Variants in ARID2 observed in about 807,000 individuals in gnomAD.
The protein encoded by ARID2 is AT-rich interaction domain 2.
A neutral mutation model predicts 184.6 loss-of-function variants in ARID2; 32 were observed. The observed-to-expected ratio is 0.17, with a 90% CI of 0.13 to 0.23. ARID2 has a LOEUF of 0.23. Ranked by LOEUF, ARID2 falls within the 10% of genes least tolerant of loss-of-function variation. The pLI, the probability that ARID2 is intolerant of heterozygous loss-of-function variation, is 1.00. For synonymous variants in ARID2, 836 were observed against 772.6 expected, an observed-to-expected ratio of 1.08 and a Z score of -1.36; for missense variants, 1,696 against 2,197.6, an observed-to-expected ratio of 0.77 and a Z score of 4.56.
At chr12:45,739,788 A>G (rs1265765624) in intron 3 of ARID2, among the ~76,000 whole-genome samples, 1 of 152,210 alleles carries the variant, frequency 6.6e-6, no homozygotes, top group Non-Finnish European at 1.5e-5. Context: ...ATGTTAATAT[A>G]AACATACATG....
intron 20 of ARID2, among the ~76,000 whole-genome samples, chr12:45,895,090 G>A (rs1166378568): frequency 6.6e-6 from 1 of 152,156 alleles, no homozygotes; most frequent in Non-Finnish European, 1.5e-5. Flanking sequence ...TACTGAGCTT[G>A]TTCTCCTCTA....
chr12:45,849,895 C>A, intron 14 of ARID2, 119 bp downstream of exon 14: 1 of 1,402,012 alleles, frequency 7.1e-7, no homozygotes, highest in Non-Finnish European at 9.5e-7. Context: ...CATTTTCTTA[C>A]TTGGTCTATT....
chr12:45,852,653 A>G lies in ARID2; in HGVS notation c.4530A>G (p.Ala1510=). ...ACGTTCGGTCTACAAATGGCACAGCAGAATGCAAAACTGTAAAGAGGCCAG... is the reference window on the plus strand; with the variant it reads ...ACGTTCGGTCTACAAATGGCACAGCGGAATGCAAAACTGTAAAGAGGCCAG... ...SSDVRSTNGT[A]ECKTVKRPAE... is the part of the protein sequence containing the mutation. Residue 1510 remains alanine, a synonymous_variant, in exon 15 of 21, where the codon GCA becomes GCG. Transcript: ENST00000334344. The G allele has an allele frequency of 2.5e-6, 4 of 1,614,190 alleles. No homozygotes were observed. The highest frequency in any genetic ancestry group is 3.4e-6 in the Non-Finnish European group (4 of 1,180,008).
chr12:45,881,072 G>T, intron 16 of ARID2: 1 of 168,408 alleles, frequency 5.9e-6, no homozygotes, highest in Non-Finnish European at 1.3e-5. Context: ...AGGTTCTGCT[G>T]CAGGCTATTT....
chr12:45,817,310 C>T (rs1050667754), intron 4 of ARID2, among the ~76,000 whole-genome samples: 3 of 151,898 alleles, frequency 2.0e-5, no homozygotes, highest in South Asian at 2.1e-4. Context: ...GCTATGAAAG[C>T]GACATTGCAC....
intron 3 of ARID2, among the ~76,000 whole-genome samples, chr12:45,804,057 C>A (rs1273594122): frequency 2.0e-5 from 3 of 152,102 alleles, no homozygotes; most frequent in Non-Finnish European, 4.4e-5. Context: ...AAATGTCTTT[C>A]CCTATTGGAG....
At position 45,848,531 on chromosome 12, in the gene ARID2, A is replaced by C. The variant is rs193117274; in HGVS notation, c.1581-305A>C. On this transcript the variant is annotated intron_variant, in intron 12 of 20. Coordinates refer to ENST00000334344, the MANE Select transcript of ARID2 (RefSeq NM_152641.4). ...AAGACAGGATGCCGAATAGATATTCACTAAATAAAACTATTTCTTATAGAA... is the reference window on the plus strand; with the variant it reads ...AAGACAGGATGCCGAATAGATATTCCCTAAATAAAACTATTTCTTATAGAA... 5.5e-4 allele frequency among the ~76,000 whole-genome samples: 83 copies of C among 152,246 alleles called. 3 individuals carry two copies. The highest frequency in any genetic ancestry group is 1.9e-3 in the African/African-American group (81 of 41,588).
At chr12:45,747,097 G>A (rs144987962) in intron 3 of ARID2, among the ~76,000 whole-genome samples, 59 of 152,182 alleles carry the variant, frequency 3.9e-4, no homozygotes, top group African/African-American at 1.3e-3. Flanking sequence ...TGGAATCTAG[G>A]CATATTATAC....
intron 6 of ARID2, among the ~76,000 whole-genome samples, chr12:45,826,707 C>T (rs970642556): frequency 2.2e-4 from 34 of 152,178 alleles, no homozygotes; most frequent in Middle Eastern, 3.4e-3. Context: ...GCATGAACCA[C>T]CCTGTCTGCT....
chr12:45,803,961 C>T (rs1344132394), intron 3 of ARID2, among the ~76,000 whole-genome samples: 1 of 152,152 alleles, frequency 6.6e-6, no homozygotes, highest in Non-Finnish European at 1.5e-5. Flanking sequence ...TTATGCATTC[C>T]ACTTTGTCTG....
chr12:45,852,438 A>C lies in ARID2; in HGVS notation c.4315A>C (p.Thr1439Pro), dbSNP rs2138178840. 1 of 1,614,212 alleles carries C rather than the reference A, an allele frequency of 6.2e-7. No homozygotes were observed. The highest frequency in any genetic ancestry group is 8.5e-7 in the Non-Finnish European group (1 of 1,180,014). Residue 1439 changes from threonine (T) to proline (P), a missense_variant, in exon 15 of 21, where the codon ACA (threonine) becomes CCA (proline). Physicochemically the swap from Thr to Pro is conservative, Grantham distance 38. Transcript: ENST00000334344. ...TATACAGGAGGCTTCAAATGCGGCA[A>C]CACAGCAATTTAGTGGTACTGATTT... is the stretch of plus-strand genomic sequence containing the variant. The part of the protein sequence containing the change: ...SSIQEASNAA[T>P]QQFSGTDLLN...
chr12:45,877,786 AAAG>A (rs1944034600), intron 16 of ARID2, among the ~76,000 whole-genome samples: 1 of 151,832 alleles, frequency 6.6e-6, no homozygotes, highest in African/African-American at 2.4e-5. Flanking sequence ...AAAGTAAGAA[AAAG>A]AAATATTTTG....
chr12:45,811,307 A>G (rs745545751), intron 3 of ARID2, 111 bp from the exon 4 acceptor site: 6 of 1,184,428 alleles, frequency 5.1e-6, no homozygotes, highest in Non-Finnish European at 6.9e-6. Flanking sequence ...TGGTATTTTT[A>G]TTAATTTTTT....
At chr12:45,829,923 T>A (rs1943080368) in intron 6 of ARID2, among the ~76,000 whole-genome samples, 1 of 150,570 alleles carries the variant, frequency 6.6e-6, no homozygotes, top group African/African-American at 2.4e-5. Flanking sequence ...CTTGACTTAT[T>A]TGTTAAATTT....
At chr12:45,745,286 G>A (rs997322835) in intron 3 of ARID2, among the ~76,000 whole-genome samples, 6 of 152,106 alleles carry the variant, frequency 3.9e-5, no homozygotes, top group Non-Finnish European at 7.4e-5. Context: ...TTGTAGTATC[G>A]TCAGTCTTAA....
chr12:45,804,537 A>G (rs1311664951), intron 3 of ARID2, among the ~76,000 whole-genome samples: 4 of 151,600 alleles, frequency 2.6e-5, no homozygotes, highest in African/African-American at 9.7e-5. Context: ...TTTAACTGCA[A>G]CTTTTATGAA....
chr12:45,837,748 A>G, intron 10 of ARID2, 41 bp downstream of exon 10: 1 of 1,578,744 alleles, frequency 6.3e-7, no homozygotes, highest in Non-Finnish European at 8.7e-7. Context: ...TTTATTGAGT[A>G]AAAGTGTTTA....
intron 3 of ARID2, among the ~76,000 whole-genome samples, chr12:45,759,627 T>C (rs1433317744): frequency 6.6e-6 from 1 of 152,202 alleles, no homozygotes; most frequent in Non-Finnish European, 1.5e-5. Context: ...AGATCTCATA[T>C]CTCTCGTATG....
intron 16 of ARID2, among the ~76,000 whole-genome samples, chr12:45,875,790 C>T (rs1944000093): frequency 6.6e-6 from 1 of 152,202 alleles, no homozygotes; most frequent in Non-Finnish European, 1.5e-5. Flanking sequence ...GCTTCTCTAC[C>T]TCTCTCAACC....
Sources: allele counts gnomAD v4.1 joint callset (sites outside exome capture counted in the v4.1 genomes callset), GRCh38; gene constraint gnomAD v4.1.1; transcripts MANE v1.5; gene names NCBI Gene and HGNC (gene_info 2026-07-23, HGNC 2026-07-21).